The following MACO1 variants were observed in gnomAD, a reference collection of about 807,000 sequenced individuals.
MACO1 encodes macoilin 1, also known as macoilin.
A neutral mutation model predicts 78.7 loss-of-function variants in MACO1; 14 were observed. The observed-to-expected ratio is 0.18, with a 90% CI of 0.12 to 0.28. The LOEUF (loss-of-function observed/expected upper bound fraction) is 0.28. MACO1 is among the 10% of genes least tolerant of loss of function. The pLI is 1.00. For missense variants in MACO1, 501 were observed against 799.0 expected (o/e 0.63, Z 4.50); for synonymous variants, 288 against 291.6 (o/e 0.99, Z 0.12).
In MACO1 at chr1:25,499,555, A is replaced by G. The variant is rs140193132; in HGVS notation, c.*1089A>G. 408 of 148,814 alleles carry G rather than the reference A, an allele frequency of 2.7e-3. 2 individuals are homozygous for G. Among genetic ancestry groups the G allele is most frequent in the African/African-American group, 0.01 (394 of 38,976 alleles). The allele number at this position is 148,814 out of a possible 1,614,324, so 9.2% of individuals were successfully genotyped here. ...TGACTATTCCTCAGCTCTTGTGCCA[A>G]GGAGGGTTTTTTTTTTTTAAGACTC... On this transcript the variant is annotated 3_prime_UTR_variant, in exon 11 of 11. Transcript: ENST00000374343.
intron 5 of MACO1, among the ~76,000 whole-genome samples, chr1:25,457,911 A>G (rs74060802): frequency 0.051 from 7,696 of 152,268 alleles, 608 homozygotes; most frequent in African/African-American, 0.17. Flanking sequence ...AAAAGGATAG[A>G]TGTCCTGTAT....
At chr1:25,467,225 T>C (rs2043227372) in intron 6 of MACO1, among the ~76,000 whole-genome samples, 1 of 152,084 alleles carries the variant, frequency 6.6e-6, no homozygotes, top group African/African-American at 2.4e-5. Flanking sequence ...GCCACAGCAC[T>C]CTAGCCTGGG....
chr1:25,431,401 G>A (rs1179893744), intron 1 of MACO1, among the ~76,000 whole-genome samples: 3 of 147,486 alleles, frequency 2.0e-5, no homozygotes, highest in African/African-American at 4.9e-5. Flanking sequence ...GGCGCGGCGG[G>A]CGCTGGCTGA....
chr1:25,476,016 G>C (rs1207470858), intron 6 of MACO1, among the ~76,000 whole-genome samples: 1 of 152,078 alleles, frequency 6.6e-6, no homozygotes, highest in African/African-American at 2.4e-5. Context: ...AAGTGCTTCT[G>C]ATTTTTTCTT....
Position 25,496,399 on chromosome 1 carries a change from C to T in MACO1, c.1793-1865C>T, listed in dbSNP as rs540268231. 6.0e-4 allele frequency among the ~76,000 whole-genome samples: 92 copies of T among 152,254 alleles called. 1 individual carries two copies. The South Asian group carries it at 0.013, about 22-fold the overall frequency. On this transcript the variant is annotated intron_variant, in intron 10 of 10. Coordinates refer to ENST00000374343, the MANE Select transcript of MACO1 (RefSeq NM_018202.6). ...CTGGGCTCAAGCAGTCCACCCACCG[C>T]GGTCTCCCAAAGTGTTGGGATTACA...
chr1:25,471,855 T>G (rs940137630), intron 6 of MACO1, among the ~76,000 whole-genome samples: 8 of 152,220 alleles, frequency 5.3e-5, no homozygotes, highest in Admixed American at 3.3e-4. Flanking sequence ...TTCTTGGTAT[T>G]TCACAGAAAG....
At chr1:25,432,468 G>T (rs1246744662) in intron 1 of MACO1, among the ~76,000 whole-genome samples, 1 of 152,202 alleles carries the variant, frequency 6.6e-6, no homozygotes, top group African/African-American at 2.4e-5. Flanking sequence ...TATACTATGT[G>T]CCAGGAACAT....
intron 3 of MACO1, among the ~76,000 whole-genome samples, chr1:25,453,385 C>T (rs1037873091): frequency 2.7e-5 from 4 of 149,552 alleles, no homozygotes; most frequent in Middle Eastern, 3.4e-3. Context: ...ATTTCTGGGC[C>T]GGGCACGGTG....
At chr1:25,440,141 A>G (rs918189760) in intron 1 of MACO1, among the ~76,000 whole-genome samples, 1 of 151,014 alleles carries the variant, frequency 6.6e-6, no homozygotes, top group African/African-American at 2.4e-5. Context: ...TAGTCCCAAC[A>G]CTTTGGGAGG....
intron 6 of MACO1, among the ~76,000 whole-genome samples, chr1:25,477,271 T>C (rs2124602288): frequency 1.3e-5 from 2 of 152,240 alleles, no homozygotes; most frequent in African/African-American, 4.8e-5. Context: ...GATTGAAAAA[T>C]GGAGGCCATT....
chr1:25,487,978 T>A (rs756222222), intron 8 of MACO1, among the ~76,000 whole-genome samples: 2 of 152,204 alleles, frequency 1.3e-5, no homozygotes, highest in Non-Finnish European at 2.9e-5. Context: ...TAGGTTGTTA[T>A]AAGGATTGAA....
intron 1 of MACO1, among the ~76,000 whole-genome samples, chr1:25,443,533 G>A (rs1469452523): frequency 6.6e-6 from 1 of 152,162 alleles, no homozygotes; most frequent in Non-Finnish European, 1.5e-5. Context: ...AGGTATGAAA[G>A]CAGTTGTTTG....
chr1:25,477,206 G>T (rs867026824), intron 6 of MACO1, among the ~76,000 whole-genome samples: 9 of 152,328 alleles, frequency 5.9e-5, no homozygotes, highest in Middle Eastern at 6.8e-3. Flanking sequence ...TGGGCACCGT[G>T]TGCTGGAGAG....
intron 6 of MACO1, among the ~76,000 whole-genome samples, chr1:25,464,532 A>G (rs947442466): frequency 2.0e-5 from 3 of 151,406 alleles, no homozygotes; most frequent in African/African-American, 7.3e-5. Flanking sequence ...TTTGGTAGAG[A>G]TGGGGTTTCG....
chr1:25,439,552 T>C (rs1336477567), intron 1 of MACO1, among the ~76,000 whole-genome samples: 1 of 152,132 alleles, frequency 6.6e-6, no homozygotes, highest in Non-Finnish European at 1.5e-5. Flanking sequence ...AAAAGAAATA[T>C]AGAACAGCTT....
intron 4 of MACO1, among the ~76,000 whole-genome samples, chr1:25,456,069 C>T (rs1387692054): frequency 1.3e-5 from 2 of 152,000 alleles, no homozygotes; most frequent in African/African-American, 4.8e-5. Context: ...ACCATCCTGG[C>T]CAACATGGTG....
At chr1:25,476,144 A>C (rs2043320359) in intron 6 of MACO1, among the ~76,000 whole-genome samples, 1 of 152,218 alleles carries the variant, frequency 6.6e-6, no homozygotes, top group South Asian at 2.1e-4. Context: ...CTTGGCACTC[A>C]CAGCTTTATT....
intron 6 of MACO1, among the ~76,000 whole-genome samples, chr1:25,481,549 A>G (rs2043377955): frequency 6.6e-6 from 1 of 152,212 alleles, no homozygotes; most frequent in Admixed American, 6.5e-5. Context: ...CAATCCTCAG[A>G]CTGTGAAATC....
At position 25,439,554 on chromosome 1, in the gene MACO1, G is replaced by C. The variant is rs975323690; in HGVS notation, c.81-7208G>C. ...GCCTAGAATAGAAAAAAGAAATATAGAACAGCTTGGTCTTCTCAGCCTGCT... is the reference window on the plus strand; with the variant it reads ...GCCTAGAATAGAAAAAAGAAATATACAACAGCTTGGTCTTCTCAGCCTGCT... On this transcript the variant is annotated intron_variant, in intron 1 of 10. Transcript: ENST00000374343. 2.0e-5 allele frequency among the ~76,000 whole-genome samples: 3 copies of C among 152,126 alleles called. No homozygotes were observed. The South Asian group carries it at 6.2e-4, about 32-fold the overall frequency.
Sources: allele counts gnomAD v4.1 joint callset (sites outside exome capture counted in the v4.1 genomes callset), GRCh38; gene constraint gnomAD v4.1.1; transcripts MANE v1.5; gene names NCBI Gene and HGNC (gene_info 2026-07-23, HGNC 2026-07-21).